The following ZFAT variants were observed in gnomAD, a reference collection of about 807,000 sequenced individuals.
The protein encoded by ZFAT is zinc finger and AT-hook domain containing, also known as zinc finger protein ZFAT.
ZFAT carries 64 observed loss-of-function variants against 117.7 expected under a neutral mutation model. The ratio of observed to expected loss-of-function variants is 0.54; its 90% confidence interval spans 0.44 to 0.67. The LOEUF is 0.67. ZFAT is among the 30% of genes least tolerant of loss of function. The pLI is 0.00. For missense variants in ZFAT, 1,433 were observed against 1,584.5 expected (o/e 0.90, Z 1.62); for synonymous variants, 679 against 615.0 (o/e 1.10, Z -1.54).
intron 1 of ZFAT, among the ~76,000 whole-genome samples, chr8:134,699,964 C>T (rs1833967160): frequency 6.6e-6 from 1 of 152,226 alleles, no homozygotes; most frequent in Non-Finnish European, 1.5e-5. Context: ...CCAAGGACAG[C>T]TGCAAGTCCT....
intron 1 of ZFAT, among the ~76,000 whole-genome samples, chr8:134,659,099 C>T (rs549710442): frequency 3.3e-5 from 5 of 152,354 alleles, no homozygotes; most frequent in South Asian, 2.1e-4. Context: ...GCAACTTCTA[C>T]GCCATTTACT....
chr8:134,549,330 A>G (rs768546375), intron 11 of ZFAT, among the ~76,000 whole-genome samples: 1 of 151,818 alleles, frequency 6.6e-6, no homozygotes, highest in Non-Finnish European at 1.5e-5. Context: ...ACTCCCAGCT[A>G]TTCAGGAGGC....
intron 13 of ZFAT, among the ~76,000 whole-genome samples, chr8:134,518,851 T>C (rs1444174807): frequency 6.6e-6 from 1 of 152,162 alleles, no homozygotes; most frequent in Non-Finnish European, 1.5e-5. Context: ...GATTCAATTT[T>C]ATCTTTTTTC....
the ZFAT span, among the ~76,000 whole-genome samples, chr8:134,744,945 G>A: frequency 2.6e-5 from 4 of 150,984 alleles, no homozygotes; most frequent in Admixed American, 1.3e-4. Flanking sequence ...TAGCCAGGAT[G>A]GTCTCGATCG....
intron 10 of ZFAT, among the ~76,000 whole-genome samples, chr8:134,580,676 T>C (rs1404488089): frequency 6.6e-6 from 1 of 152,058 alleles, no homozygotes; most frequent in Non-Finnish European, 1.5e-5. Context: ...CAGACCAAAA[T>C]CTCAGAATTA....
At chr8:134,513,355 A>G (rs952492352) in intron 13 of ZFAT, among the ~76,000 whole-genome samples, 1 of 151,652 alleles carries the variant, frequency 6.6e-6, no homozygotes, top group African/African-American at 2.4e-5. Context: ...GCACCACCAC[A>G]CCTAGCTAAT....
the ZFAT span, among the ~76,000 whole-genome samples, chr8:134,719,871 G>T: frequency 2.0e-5 from 3 of 152,148 alleles, no homozygotes; most frequent in African/African-American, 7.2e-5. Context: ...AGAAAGGAGA[G>T]GTACCTAGAC....
At chr8:134,575,266 A>C (rs1825214098) in intron 10 of ZFAT, among the ~76,000 whole-genome samples, 1 of 152,240 alleles carries the variant, frequency 6.6e-6, no homozygotes, top group Admixed American at 6.5e-5. Context: ...ATTAAGCTAA[A>C]GATCTTGAGC....
intron 15 of ZFAT, among the ~76,000 whole-genome samples, chr8:134,507,209 A>C (rs999024792): frequency 2.0e-5 from 3 of 152,258 alleles, no homozygotes; most frequent in Non-Finnish European, 4.4e-5. Flanking sequence ...ATTAAAAGAA[A>C]AAGGTTGAAA....
At chr8:134,801,378 A>G in the ZFAT span, among the ~76,000 whole-genome samples, 1 of 152,210 alleles carries the variant, frequency 6.6e-6, no homozygotes, top group Non-Finnish European at 1.5e-5. Flanking sequence ...TGGTCCTACC[A>G]ACACACTTGC....
At chr8:134,600,861 GCTA>G (rs911023758) in intron 6 of ZFAT, among the ~76,000 whole-genome samples, 193 bp from the exon 7 acceptor site, 1 of 152,184 alleles carries the variant, frequency 6.6e-6, no homozygotes, top group African/African-American at 2.4e-5. Flanking sequence ...TATTAAGGGT[GCTA>G]CTATTTTTTG....
At chr8:134,578,806 A>C (rs1825508711) in intron 10 of ZFAT, among the ~76,000 whole-genome samples, 3 of 152,190 alleles carry the variant, frequency 2.0e-5, no homozygotes, top group African/African-American at 7.2e-5. Context: ...CTAATGGATC[A>C]TGTGTGGGGT....
chr8:134,654,932 G>A (rs1831499643), intron 2 of ZFAT, among the ~76,000 whole-genome samples: 1 of 152,206 alleles, frequency 6.6e-6, no homozygotes, highest in African/African-American at 2.4e-5. Context: ...TAGTTGTGGG[G>A]TTCTGGGAGC....
intron 12 of ZFAT, among the ~76,000 whole-genome samples, chr8:134,532,435 T>C (rs771901313): frequency 4.6e-5 from 7 of 152,210 alleles, no homozygotes; most frequent in Non-Finnish European, 7.3e-5. Context: ...AAATCATAAT[T>C]AGGAAGACAG....
chr8:134,790,887 T>G, the ZFAT span, among the ~76,000 whole-genome samples: 1 of 152,096 alleles, frequency 6.6e-6, no homozygotes, highest in Non-Finnish European at 1.5e-5. Context: ...AGGTGGTACA[T>G]GCCTGTGGTC....
chr8:134,605,767 C>T (rs988626205), intron 5 of ZFAT, among the ~76,000 whole-genome samples: 3 of 152,180 alleles, frequency 2.0e-5, no homozygotes, highest in African/African-American at 7.2e-5. Context: ...TCTTTCTTCA[C>T]TTATTCATTC....
At chr8:134,572,868 T>C (rs1176441681) in intron 10 of ZFAT, among the ~76,000 whole-genome samples, 1 of 151,710 alleles carries the variant, frequency 6.6e-6, no homozygotes, top group Non-Finnish European at 1.5e-5. Flanking sequence ...ATTTAGAATC[T>C]CATTTCCTTA....
At chr8:134,520,409 T>C (rs1820568922) in intron 13 of ZFAT, among the ~76,000 whole-genome samples, 2 of 152,186 alleles carry the variant, frequency 1.3e-5, no homozygotes, top group East Asian at 1.9e-4. Flanking sequence ...AATAAAGGCG[T>C]GTTTTCAGCA....
the ZFAT span, among the ~76,000 whole-genome samples, chr8:134,791,027 T>C: frequency 1.3e-5 from 2 of 152,186 alleles, no homozygotes; most frequent in African/African-American, 4.8e-5. Flanking sequence ...TTCAAATGCG[T>C]CTGAATATAT....
Sources: gnomAD v4.1 joint callset for allele counts (sites outside exome capture counted in the v4.1 genomes callset) on GRCh38, gnomAD v4.1.1 for gene constraint, MANE v1.5 for transcripts, NCBI Gene and HGNC (gene_info 2026-07-23, HGNC 2026-07-21) for gene names.